FBXO40: variants seen among roughly 807,000 people sequenced by gnomAD.
FBXO40 encodes the protein F-box only protein 40.
FBXO40 carries 50 observed loss-of-function variants against 49.9 expected under a neutral mutation model. The ratio of observed to expected loss-of-function variants is 1.00; its 90% CI spans 0.80 to 1.27. FBXO40 has a LOEUF of 1.27. Ranked by LOEUF, FBXO40 falls within the 50% of genes most tolerant of loss-of-function variation. The pLI is 0.00. For missense variants in FBXO40, 895 were observed against 870.1 expected, an observed-to-expected ratio of 1.03 and a Z score of -0.36; for synonymous variants, 340 against 320.2, an observed-to-expected ratio of 1.06 and a Z score of -0.66.
At chr3:121,596,529 A>G (rs2048873725) in intron 1 of FBXO40, among the ~76,000 whole-genome samples, 1 of 152,222 alleles carries the variant, frequency 6.6e-6, no homozygotes, top group African/African-American at 2.4e-5. Flanking sequence ...TGCATTTTAA[A>G]AAGTTTGCCC....
intron 3 of FBXO40, 70 bp from the exon 4 acceptor site, chr3:121,626,625 G>A (rs771646193): frequency 9.6e-6 from 13 of 1,353,110 alleles, no homozygotes; most frequent in Non-Finnish European, 1.4e-5. Flanking sequence ...TTTCCTTATA[G>A]TGCCCAAATA....
chr3:121,599,647 G>T (rs1381269804), intron 1 of FBXO40, among the ~76,000 whole-genome samples: 4 of 138,992 alleles, frequency 2.9e-5, no homozygotes, highest in Non-Finnish European at 6.1e-5. Flanking sequence ...AATCCATATT[G>T]TAGTGCATAC....
intron 1 of FBXO40, among the ~76,000 whole-genome samples, chr3:121,594,515 C>T (rs1178021429): frequency 6.6e-6 from 1 of 152,150 alleles, no homozygotes; most frequent in South Asian, 2.1e-4. Context: ...TTTCTGTTTT[C>T]TAAAGTCTAA....
intron 1 of FBXO40, among the ~76,000 whole-genome samples, chr3:121,615,562 T>TAAAAAA (rs34194992): frequency 2.4e-3 from 311 of 128,944 alleles, no homozygotes; most frequent in East Asian, 0.022. Context: ...GACTGTGTCT[T>TAAAAAA]AAAAAAAAAA....
At chr3:121,615,087 C>T (rs1034172500) in intron 1 of FBXO40, among the ~76,000 whole-genome samples, 1 of 151,954 alleles carries the variant, frequency 6.6e-6, no homozygotes, top group Admixed American at 6.6e-5. Flanking sequence ...TGCCTGTAGT[C>T]CCAGCTACTC....
Position 121,620,589 on chromosome 3 carries a change from G to C in FBXO40, c.3+11G>C, listed in dbSNP as rs568101401. On this transcript the variant is annotated intron_variant, in intron 2 of 3. Coordinates refer to ENST00000338040, the MANE Select transcript of FBXO40 (RefSeq NM_016298.4). ...AATTGGGGCGCCATGGTAAGCACCA[G>C]GAGCTTATTGAAGCTTCACCATTGA... 5 of 1,614,132 alleles carry C rather than the reference G, an allele frequency of 3.1e-6. No individual in the cohort carries two copies. In the East Asian group the frequency reaches 8.9e-5, roughly 29 times the overall value.
At chr3:121,626,086 A>C (rs1275162216) in intron 3 of FBXO40, among the ~76,000 whole-genome samples, 2 of 152,244 alleles carry the variant, frequency 1.3e-5, no homozygotes, top group African/African-American at 4.8e-5. Flanking sequence ...ATAAACAATA[A>C]AGGGAATTTA....
chr3:121,610,936 C>T (rs749185066), intron 1 of FBXO40, among the ~76,000 whole-genome samples: 9 of 152,168 alleles, frequency 5.9e-5, no homozygotes, highest in Non-Finnish European at 1.3e-4. Flanking sequence ...AATTTAGGTC[C>T]CAGTCAGGAA....
intron 1 of FBXO40, among the ~76,000 whole-genome samples, chr3:121,614,460 A>G (rs936312693): frequency 1.3e-5 from 2 of 151,776 alleles, no homozygotes; most frequent in Non-Finnish European, 2.9e-5. Flanking sequence ...AAAGAAAAAG[A>G]AAATGCTAAA....
intron 1 of FBXO40, among the ~76,000 whole-genome samples, chr3:121,608,908 T>A (rs1425417411): frequency 6.6e-6 from 1 of 152,230 alleles, no homozygotes; most frequent in Non-Finnish European, 1.5e-5. Context: ...AAGTTGGGGA[T>A]TCCTAAGGCT....
rs565389665 is a variant in FBXO40 at position 121,597,609 on chromosome 3, A to G, written c.-31+4107A>G. On this transcript the variant is annotated intron_variant, in intron 1 of 3. Transcript: ENST00000338040. ...GTGACTCATCTATTACACACTCCCTATTTCATCTCATTGGATCCTTGTGCA... is the reference window on the plus strand; with the variant it reads ...GTGACTCATCTATTACACACTCCCTGTTTCATCTCATTGGATCCTTGTGCA... Among the ~76,000 whole-genome samples the G allele has an allele frequency of 4.9e-5, 7 of 141,574 alleles. No homozygotes were observed. In the South Asian group the frequency reaches 1.6e-3, roughly 32 times the overall value. The allele number at this position is 141,574 out of a possible 152,430, so 92.9% of individuals were successfully genotyped here.
chr3:121,617,378 G>A (rs554867379), intron 1 of FBXO40, among the ~76,000 whole-genome samples: 102 of 149,998 alleles, frequency 6.8e-4, no homozygotes, highest in East Asian at 1.4e-3. Flanking sequence ...GGCGGATCAC[G>A]AGGTTAAGAG....
At chr3:121,606,178 G>A (rs530559528) in intron 1 of FBXO40, among the ~76,000 whole-genome samples, 1 of 152,332 alleles carries the variant, frequency 6.6e-6, no homozygotes, top group South Asian at 2.1e-4. Context: ...TTTGTAGTAA[G>A]AAGCTTCCAA....
At chr3:121,626,669 C>G (rs1278645578) in intron 3 of FBXO40, 26 bp from the exon 4 acceptor site, 1 of 1,609,910 alleles carries the variant, frequency 6.2e-7, no homozygotes, top group Non-Finnish European at 8.5e-7. Flanking sequence ...CTATATTCAC[C>G]TTTGAACTTC....
rs560003822 is a variant in FBXO40, at chr3:121,624,073, C to A, written c.1914+730C>A. Reference sequence around the variant, plus strand: ...TGGTGCAATCTCAGCTCACCGCAACCTCTGCCTCCCAGGTTCAAGCAATTC... The same window carrying A: ...TGGTGCAATCTCAGCTCACCGCAACATCTGCCTCCCAGGTTCAAGCAATTC... On this transcript the variant is annotated intron_variant, in intron 3 of 3. Coordinates refer to ENST00000338040, the MANE Select transcript of FBXO40 (RefSeq NM_016298.4). Among the ~76,000 whole-genome samples the A allele has an allele frequency of 8.0e-5, 12 of 149,462 alleles. No individual in the cohort carries two copies. The East Asian group carries it at 2.4e-3, about 30-fold the overall frequency.
chr3:121,605,963 G>A (rs1560128244), intron 1 of FBXO40, among the ~76,000 whole-genome samples: 2 of 152,162 alleles, frequency 1.3e-5, no homozygotes, highest in Non-Finnish European at 2.9e-5. Flanking sequence ...GAAAAGATTT[G>A]AACCTCCAGC....
At chr3:121,596,966 C>T (rs7631876) in intron 1 of FBXO40, among the ~76,000 whole-genome samples, 54,217 of 152,014 alleles carry the variant, frequency 0.36, 10,180 homozygotes, top group East Asian at 0.64. Flanking sequence ...CTCTCAGTCC[C>T]TAGAAGCCCA....
rs34194992 is a variant in FBXO40 at position 121,615,562 on chromosome 3, T to TAAAA, written c.-30-4971_-30-4968dup. On this transcript the variant is annotated intron_variant, in intron 1 of 3. Coordinates refer to ENST00000338040, the MANE Select transcript of FBXO40 (RefSeq NM_016298.4). ...AGAGCAACAGAGTGAGACTGTGTCT[T>TAAAA]AAAAAAAAAAAAAAAAGAAGAAGAA... Among the ~76,000 whole-genome samples the TAAAA allele has an allele frequency of 8.3e-3, 1,068 of 128,750 alleles. 16 individuals are homozygous for TAAAA. Among genetic ancestry groups the TAAAA allele is most frequent in the African/African-American group, 0.023 (726 of 32,066 alleles). The allele number at this position is 128,750 out of a possible 152,430, so 84.5% of individuals were successfully genotyped here.
Position 121,629,994 on chromosome 3 carries a change from G to A in FBXO40, c.*3084G>A, listed in dbSNP as rs2108853884. On this transcript the variant is annotated 3_prime_UTR_variant, in exon 4 of 4. Coordinates refer to ENST00000338040, the MANE Select transcript of FBXO40 (RefSeq NM_016298.4). ...TCATCACCAAGAAAGGCAGTCCAGA[G>A]TAGAGATCAGCCGAATATGGAGGCT... 1 of 152,382 alleles carries A rather than the reference G, an allele frequency of 6.6e-6. No homozygotes were observed. Among genetic ancestry groups the A allele is most frequent in the East Asian group, 1.9e-4 (1 of 5,194 alleles). 9.4% of individuals were successfully genotyped at this position (152,382 alleles called of 1,614,324 possible). A position where few individuals can be genotyped will look rare whatever the true frequency, so the allele number is the denominator to read the frequency against.
Sources: allele counts gnomAD v4.1 joint callset (sites outside exome capture counted in the v4.1 genomes callset), GRCh38; gene constraint gnomAD v4.1.1; transcripts MANE v1.5; gene names NCBI Gene and HGNC (gene_info 2026-07-23, HGNC 2026-07-21).